The following RELN variants were observed in gnomAD, a reference collection of about 807,000 sequenced individuals.
RELN encodes reelin.
Under a neutral mutation model 427.6 loss-of-function variants are expected in RELN, and 108 were observed. That is an observed-to-expected ratio of 0.25 (90% CI 0.22 to 0.30). The LOEUF is 0.30. RELN is among the 10% of genes least tolerant of loss of function. RELN has a pLI of 1.00. For synonymous variants in RELN, 1,524 were observed against 1,513.4 expected, an observed-to-expected ratio of 1.01 and a Z score of -0.16; for missense variants, 3,715 against 4,302.8, an observed-to-expected ratio of 0.86 and a Z score of 3.82.
chr7:103,974,305 G>C (rs1190581475), intron 1 of RELN, among the ~76,000 whole-genome samples: 1 of 152,158 alleles, frequency 6.6e-6, no homozygotes, highest in Non-Finnish European at 1.5e-5. Context: ...ATAGAGAAGT[G>C]AGATCCCTTG....
chr7:103,624,304 T>G (rs1325509138), intron 20 of RELN, among the ~76,000 whole-genome samples: 1 of 152,182 alleles, frequency 6.6e-6, no homozygotes, highest in Non-Finnish European at 1.5e-5. Flanking sequence ...ATTTTACACC[T>G]CTAGCTTCCT....
intron 11 of RELN, among the ~76,000 whole-genome samples, chr7:103,662,280 C>G (rs1404046809): frequency 2.0e-5 from 3 of 152,274 alleles, no homozygotes; most frequent in East Asian, 3.9e-4. Flanking sequence ...TATGCTCTTA[C>G]CACAGTTGCA....
chr7:103,985,430 T>C (rs4298437), intron 1 of RELN, among the ~76,000 whole-genome samples: 105,595 of 152,030 alleles, frequency 0.69, 37,151 homozygotes, highest in East Asian at 0.94. Flanking sequence ...GTATTTTGGG[T>C]AGACTCATTT....
intron 3 of RELN, among the ~76,000 whole-genome samples, chr7:103,815,569 G>A (rs1410797268): frequency 6.6e-6 from 1 of 152,146 alleles, no homozygotes; most frequent in African/African-American, 2.4e-5. Flanking sequence ...TGGACATTTT[G>A]ACAATTTTAT....
intron 1 of RELN, among the ~76,000 whole-genome samples, chr7:103,983,037 C>CTGCAT (rs1438215234): frequency 6.6e-6 from 1 of 152,152 alleles, no homozygotes; most frequent in Non-Finnish European, 1.5e-5. Flanking sequence ...AAAGGATAAC[C>CTGCAT]TGCATTTTAA....
At position 103,630,864 on chromosome 7, in the gene RELN, T is replaced by TTTG. The variant is rs1554394463; in HGVS notation, c.2466-689_2466-688insCAA. ...AGTTATTTTTTTGTTTTTTTTGTTT[T>TTTG]TTTTTTTTTTGTTTTTTAACTAATG... On this transcript the variant is annotated intron_variant, in intron 19 of 64. Transcript: ENST00000428762. 1.3e-3 allele frequency among the ~76,000 whole-genome samples: 191 copies of TTTG among 150,096 alleles called. 3 individuals are homozygous for TTTG. Among genetic ancestry groups the TTTG allele is most frequent in the African/African-American group, 4.2e-3 (171 of 40,946 alleles).
chr7:103,805,889 G>C (rs1411053669), intron 3 of RELN, among the ~76,000 whole-genome samples: 1 of 152,166 alleles, frequency 6.6e-6, no homozygotes, highest in African/African-American at 2.4e-5. Context: ...TTTCTTAACA[G>C]CTATTCCATG....
At chr7:103,797,180 T>A (rs1337518645) in intron 3 of RELN, among the ~76,000 whole-genome samples, 1 of 152,060 alleles carries the variant, frequency 6.6e-6, no homozygotes, top group Non-Finnish European at 1.5e-5. Context: ...CTGCCTCAGG[T>A]TCGACCTGCC....
chr7:103,960,084 C>T (rs1311012383), intron 1 of RELN, among the ~76,000 whole-genome samples: 1 of 152,178 alleles, frequency 6.6e-6, no homozygotes, highest in Non-Finnish European at 1.5e-5. Flanking sequence ...AATTCAGCAG[C>T]CAGAATGATC....
chr7:103,515,465 G>T, intron 49 of RELN, 24 bp from the exon 50 acceptor site: 2 of 1,612,164 alleles, frequency 1.2e-6, no homozygotes, highest in Non-Finnish European at 1.7e-6. Context: ...ATGGGGAAGG[G>T]TGTGGGGAAG....
chr7:103,853,647 T>C (rs566242060), intron 2 of RELN, among the ~76,000 whole-genome samples: 1 of 151,952 alleles, frequency 6.6e-6, no homozygotes, highest in Non-Finnish European at 1.5e-5. Context: ...ATTTTTTTTT[T>C]AAATTCATTT....
chr7:103,477,845 C>T (rs570681233), intron 64 of RELN, among the ~76,000 whole-genome samples: 2 of 152,312 alleles, frequency 1.3e-5, no homozygotes, highest in Admixed American at 1.3e-4. Flanking sequence ...TACCTAAGGA[C>T]AAGATCTAGA....
chr7:103,649,694 G>A (rs1056333889), intron 16 of RELN, among the ~76,000 whole-genome samples: 3 of 151,910 alleles, frequency 2.0e-5, no homozygotes, highest in South Asian at 2.1e-4. Flanking sequence ...AAGTGGTATC[G>A]ACTTTAAAAT....
chr7:103,669,045 T>A (rs905118271), intron 11 of RELN, among the ~76,000 whole-genome samples: 2 of 152,194 alleles, frequency 1.3e-5, no homozygotes, highest in African/African-American at 4.8e-5. Flanking sequence ...AATGAGTTAT[T>A]ATCACTTCTA....
At chr7:103,934,343 C>T (rs144203519) in intron 1 of RELN, among the ~76,000 whole-genome samples, 7 of 152,260 alleles carry the variant, frequency 4.6e-5, no homozygotes, top group South Asian at 2.1e-4. Context: ...GCCTGCCAGA[C>T]ACATTATTTC....
intron 1 of RELN, among the ~76,000 whole-genome samples, chr7:103,934,747 T>G (rs1795942739): frequency 6.6e-6 from 1 of 152,232 alleles, no homozygotes; most frequent in Non-Finnish European, 1.5e-5. Context: ...TCAGAATGGC[T>G]GGCAGCAGCA....
At chr7:103,898,744 G>T (rs1795017044) in intron 2 of RELN, among the ~76,000 whole-genome samples, 1 of 151,950 alleles carries the variant, frequency 6.6e-6, no homozygotes, top group South Asian at 2.1e-4. Context: ...CTGAGTTTTT[G>T]AGACTTTTCT....
At position 103,989,036 on chromosome 7, in the gene RELN, G is replaced by T. The variant is rs1797162839; in HGVS notation, c.226+95C>A. The T allele has an allele frequency of 8.7e-7, 1 of 1,148,014 alleles. No homozygotes were observed. Among genetic ancestry groups the T allele is most frequent in the Non-Finnish European group, 1.3e-6 (1 of 763,006 alleles). 71.1% of individuals were successfully genotyped at this position (1,148,014 alleles called of 1,614,324 possible). On this transcript the variant is annotated intron_variant, in intron 1 of 64. Coordinates refer to ENST00000428762, the MANE Select transcript of RELN (RefSeq NM_005045.4). This position sits in a 1 kb window ranked among gnomAD's most constrained non-coding sequence, Gnocchi z 4.9. ...TGGGGCCAGGGTTGTCATGGTTCTT[G>T]TTTCCAAGGCCCCTTGGAAGAAGGA...
chr7:103,566,534 T>C (rs2117188908), intron 32 of RELN, 67 bp downstream of exon 32: 1 of 1,598,972 alleles, frequency 6.3e-7, no homozygotes. Flanking sequence ...AAACACACAG[T>C]GCAAGGTGGG....
Sources: gnomAD v4.1 joint callset for allele counts (sites outside exome capture counted in the v4.1 genomes callset) on GRCh38, gnomAD v4.1.1 for gene constraint, Gnocchi (gnomAD v3.1) non-coding constraint, MANE v1.5 for transcripts, NCBI Gene and HGNC (gene_info 2026-07-23, HGNC 2026-07-21) for gene names.